The following KIF23 variants were observed in gnomAD, a reference collection of about 807,000 sequenced individuals.
The protein encoded by KIF23 is kinesin-like protein KIF23.
Under a neutral mutation model 137.5 loss-of-function variants are expected in KIF23, and 30 were observed. That is an observed-to-expected ratio of 0.22 (90% CI 0.16 to 0.30). KIF23 has a LOEUF of 0.30. KIF23 is among the 10% of genes least tolerant of loss of function. KIF23 has a pLI of 1.00. For missense variants in KIF23, 920 were observed against 1,194.3 expected, an observed-to-expected ratio of 0.77 and a Z score of 3.38; for synonymous variants, 367 against 391.1, an observed-to-expected ratio of 0.94 and a Z score of 0.73.
At chr15:69,445,703 C>T (rs2057726607) in intron 20 of KIF23, among the ~76,000 whole-genome samples, 4 of 152,214 alleles carry the variant, frequency 2.6e-5, no homozygotes, top group African/African-American at 7.2e-5. Context: ...TAGAAACTTC[C>T]AGCAAATTTC....
At chr15:69,421,825 AT>A in intron 4 of KIF23, 73 bp downstream of exon 4, 1 of 1,320,356 alleles carries the variant, frequency 7.6e-7, no homozygotes. Context: ...TTTGATATTT[AT>A]ATATTTGATT....
intron 18 of KIF23, 99 bp downstream of exon 18, chr15:69,440,586 C>T (rs532563614): frequency 8.1e-7 from 1 of 1,232,582 alleles, no homozygotes; most frequent in Non-Finnish European, 1.1e-6. Flanking sequence ...ATAATACTTA[C>T]ATTTCTGAAA....
intron 22 of KIF23, 99 bp downstream of exon 22, chr15:69,446,463 G>A: frequency 1.1e-6 from 1 of 928,452 alleles, no homozygotes; most frequent in Non-Finnish European, 1.7e-6. Context: ...AAAATGCTGA[G>A]GTATAATCTC....
chr15:69,436,843 C>T (rs370758609), intron 15 of KIF23, 121 bp downstream of exon 15: 1 of 552,990 alleles, frequency 1.8e-6, no homozygotes. Context: ...CAACCTCCGC[C>T]TCCTGGGTTC....
intron 3 of KIF23, among the ~76,000 whole-genome samples, chr15:69,418,269 G>A (rs1053853341): frequency 2.0e-5 from 3 of 152,052 alleles, no homozygotes; most frequent in Non-Finnish European, 4.4e-5. Context: ...CTGTTTGTCA[G>A]CAGCACTCTC....
rs185044254 is a variant in KIF23 at position 69,440,311 on chromosome 15, C to T, written c.1933C>T (p.Arg645Cys). Residue 645 changes from arginine (R) to cysteine (C), a missense_variant, in exon 18 of 24, where the codon CGT becomes TGT. This residue lies in a region of KIF23 where 714 missense variants were observed against 866.2 expected (regional missense o/e 0.82). Coordinates refer to ENST00000679126, the MANE Select transcript of KIF23 (RefSeq NM_001367805.3). ...TTMKWEKECERRVAAKQLEMQ... is the reference protein window; with the variant it reads ...TTMKWEKECECRVAAKQLEMQ... ...CATTGCCACTGATAATCTGTAGGAG[C>T]GTAGAGTGGCAGCCAAACAGCTGGA... 3.1e-6 allele frequency: 5 copies of T among 1,611,862 alleles called. No homozygotes were observed. The East Asian group carries it at 6.7e-5, about 22-fold the overall frequency.
At chr15:69,421,613 A>T (rs1487431684) in intron 3 of KIF23, 34 bp from the exon 4 acceptor site, 5 of 1,282,738 alleles carry the variant, frequency 3.9e-6, no homozygotes, top group Non-Finnish European at 5.7e-6. Context: ...TAATAGTGGA[A>T]TTCTATTTAG....
intron 3 of KIF23, among the ~76,000 whole-genome samples, chr15:69,419,557 C>T (rs959398190): frequency 6.6e-6 from 1 of 152,160 alleles, no homozygotes; most frequent in African/African-American, 2.4e-5. Flanking sequence ...AATATCACCT[C>T]CTCGGGTTGT....
rs772222725 is a variant in KIF23 at position 69,414,409 on chromosome 15, A to C, written c.-57A>C. The C allele has an allele frequency of 4.5e-6, 7 of 1,563,996 alleles. No individual in the cohort carries two copies. In the South Asian group the frequency reaches 8.3e-5, roughly 18 times the overall value. On this transcript the variant is annotated 5_prime_UTR_variant, in exon 1 of 24. Coordinates refer to ENST00000679126, the MANE Select transcript of KIF23 (RefSeq NM_001367805.3). ...CTTGCTGCCGGTCCTAACGTCCCGC[A>C]GTCTTCGCCAGCCAGCCGTCCCGCA...
chr15:69,425,125 T>A (rs2057157363), intron 7 of KIF23, among the ~76,000 whole-genome samples, 157 bp from the exon 8 acceptor site: 1 of 152,242 alleles, frequency 6.6e-6, no homozygotes, highest in African/African-American at 2.4e-5. Flanking sequence ...TTTTTTAAGC[T>A]AGTTAACTTT....
chr15:69,447,590 T>TGCA (rs2057768347), intron 23 of KIF23, among the ~76,000 whole-genome samples: 4 of 152,296 alleles, frequency 2.6e-5, no homozygotes, highest in Admixed American at 2.0e-4. Context: ...AGAAAATTGT[T>TGCA]GCAGCAGGAT....
rs2057777561 is a variant in KIF23, at chr15:69,448,101, T to G, written c.*294T>G. 4.5e-6 allele frequency: 1 copy of G among 224,584 alleles called. No individual in the cohort carries two copies. The highest frequency in any genetic ancestry group is 8.7e-6 in the Non-Finnish European group (1 of 115,372). 13.9% of individuals were successfully genotyped at this position (224,584 alleles called of 1,614,324 possible). On this transcript the variant is annotated 3_prime_UTR_variant, in exon 24 of 24. Coordinates refer to ENST00000679126, the MANE Select transcript of KIF23 (RefSeq NM_001367805.3). Reference sequence around the variant, plus strand: ...TTTTATAATGTTTTTTTAAAATATATTTCATGTATACTTATAAACTAATTC... The same window carrying G: ...TTTTATAATGTTTTTTTAAAATATAGTTCATGTATACTTATAAACTAATTC...
At chr15:69,434,965 G>T in intron 11 of KIF23, 1 of 643,034 alleles carries the variant, frequency 1.6e-6, no homozygotes, top group South Asian at 1.9e-5. Context: ...GAGCCCTCAG[G>T]TGTGTAGGCC....
chr15:69,436,453 C>T, intron 14 of KIF23, 111 bp from the exon 15 acceptor site: 1 of 1,186,444 alleles, frequency 8.4e-7, no homozygotes, highest in Non-Finnish European at 1.2e-6. Flanking sequence ...TATGTCAGCT[C>T]AAGAAATTGC....
At chr15:69,423,051 G>A (rs1483411273) in intron 6 of KIF23, 108 bp from the exon 7 acceptor site, 5 of 716,604 alleles carry the variant, frequency 7.0e-6, no homozygotes, top group African/African-American at 3.7e-5. Flanking sequence ...CGCCTGCCTC[G>A]GCCTCCCAAA....
At chr15:69,442,527 C>A (rs1259432359) in intron 19 of KIF23, among the ~76,000 whole-genome samples, 1 of 152,060 alleles carries the variant, frequency 6.6e-6, no homozygotes, top group Non-Finnish European at 1.5e-5. Flanking sequence ...GCCTGAATTC[C>A]TGATTATTAA....
chr15:69,423,416 A>G, intron 7 of KIF23, 87 bp downstream of exon 7: 2 of 799,872 alleles, frequency 2.5e-6, no homozygotes, highest in African/African-American at 1.8e-5. Flanking sequence ...CAGTTATGAA[A>G]GAGAATAATG....
chr15:69,424,242 A>G (rs1028634586), intron 7 of KIF23, among the ~76,000 whole-genome samples: 2 of 152,228 alleles, frequency 1.3e-5, no homozygotes, highest in African/African-American at 2.4e-5. Flanking sequence ...TGATACAGTT[A>G]TCTTCACCAG....
In KIF23 at chr15:69,417,404, C is replaced by T. The variant is rs111385238; in HGVS notation, c.103C>T (p.Leu35=). Residue 35 remains leucine (L), a synonymous_variant, in exon 3 of 24, where the codon CTG becomes TTG. Transcript: ENST00000679126. ...PVGVYCRVRP[L]GFPDQECCIE... Reference sequence around the variant, plus strand: ...TCAGGTATACTGTAGGGTGCGCCCACTGGGCTTTCCTGATCAAGAGTGTTG... The same window carrying T: ...TCAGGTATACTGTAGGGTGCGCCCATTGGGCTTTCCTGATCAAGAGTGTTG... 2 of 1,611,206 alleles carry T rather than the reference C, an allele frequency of 1.2e-6. No individual in the cohort carries two copies. Among genetic ancestry groups the T allele is most frequent in the Non-Finnish European group, 1.7e-6 (2 of 1,178,756 alleles).
Sources: allele counts gnomAD v4.1 joint callset (sites outside exome capture counted in the v4.1 genomes callset), GRCh38; gene constraint gnomAD v4.1.1; regional missense constraint gnomAD v4.1.1; transcripts MANE v1.5; gene names NCBI Gene and HGNC (gene_info 2026-07-23, HGNC 2026-07-21).